Variants in DHH observed in about 807,000 individuals in gnomAD.
DHH encodes the protein desert hedgehog signaling molecule.
A neutral mutation model predicts 27.6 loss-of-function variants in DHH; 16 were observed. That is an observed-to-expected ratio of 0.58 (90% CI 0.39 to 0.88). The LOEUF is 0.88. DHH is among the 40% of genes least tolerant of loss of function. The probability of loss-of-function intolerance (pLI) is 0.00; values close to 1 mark genes in which losing one functional copy is unlikely to be tolerated. For synonymous variants in DHH, 289 were observed against 263.4 expected, an observed-to-expected ratio of 1.10 and a Z score of -0.94; for missense variants, 436 against 563.1, an observed-to-expected ratio of 0.77 and a Z score of 2.28.
At position 49,091,381 on chromosome 12, in the gene DHH, C is replaced by T; in HGVS notation, c.312G>A (p.Lys104=). 6.2e-7 allele frequency: 1 copy of T among 1,614,186 alleles called. No individual in the cohort carries two copies. Among genetic ancestry groups the T allele is most frequent in the Non-Finnish European group, 8.5e-7 (1 of 1,180,040 alleles). ...CAATGGCCAAAGCGTTCACCCGCTC[C>T]TTACAACGCTGGCGGGGAATAAAGG... The part of the protein sequence containing the change: ...GADRLMTERC[K]ERVNALAIAV... The change falls in exon 2 of 3, where the codon AAG becomes AAA. Residue 104 remains lysine (K), a synonymous_variant. Transcript: ENST00000649637. The surrounding 1 kb of genome is among the most constrained non-coding windows in gnomAD (Gnocchi z 4.8).
Position 49,087,970 on chromosome 12 carries a change from G to A in DHH, c.*1889C>T, listed in dbSNP as rs141659432. Among the ~76,000 whole-genome samples the A allele has an allele frequency of 0.012, 1,834 of 152,250 alleles. 23 individuals carry two copies. The highest frequency in any genetic ancestry group is 0.017 in the Non-Finnish European group (1,160 of 68,006). The stretch of plus-strand genomic sequence containing the variant: ...CAGTGTGGGTTGAGGGCAGCAGTGG[G>A]TGGAAGGACACCAAAGGTAAACTTG... On this transcript the variant is annotated 3_prime_UTR_variant, in exon 3 of 3. Coordinates refer to ENST00000649637, the MANE Select transcript of DHH (RefSeq NM_021044.4).
Position 49,088,184 on chromosome 12 carries a change from A to C in DHH, c.*1675T>G, listed in dbSNP as rs1939237816. 1.3e-5 allele frequency among the ~76,000 whole-genome samples: 2 copies of C among 152,104 alleles called. No individual in the cohort carries two copies. The highest frequency in any genetic ancestry group is 4.8e-5 in the African/African-American group (2 of 41,416). On this transcript the variant is annotated 3_prime_UTR_variant, in exon 3 of 3. Coordinates refer to ENST00000649637, the MANE Select transcript of DHH (RefSeq NM_021044.4). The stretch of plus-strand genomic sequence containing the variant: ...GCAGCTTCCAGGAACCACAGAGCTA[A>C]ACTAGGCAGGAGTGATGTAAAAGTG...
chr12:49,089,779 G>T lies in DHH; in HGVS notation c.*80C>A. 1 of 1,400,882 alleles carries T rather than the reference G, an allele frequency of 7.1e-7. No individual in the cohort carries two copies. The highest frequency in any genetic ancestry group is 9.3e-7 in the Non-Finnish European group (1 of 1,071,552). 86.8% of individuals were successfully genotyped at this position (1,400,882 alleles called of 1,614,324 possible). On this transcript the variant is annotated 3_prime_UTR_variant, in exon 3 of 3. Transcript: ENST00000649637. ...CTCTCCCTCCCTTCCAGTCGGCATC[G>T]TCTGCTGCCCACAGCCCCATATCTC...
At position 49,089,008 on chromosome 12, in the gene DHH, C is replaced by T. The variant is rs565291797; in HGVS notation, c.*851G>A. 1.1e-4 allele frequency among the ~76,000 whole-genome samples: 17 copies of T among 152,332 alleles called. 1 individual carries two copies. The highest frequency in any genetic ancestry group is 8.3e-4 in the South Asian group (4 of 4,826). The stretch of plus-strand genomic sequence containing the variant: ...CCAGTGGCATATCAGAAAAAACATC[C>T]ACCCCATCCAGGCCCTGCCACCAAG... On this transcript the variant is annotated 3_prime_UTR_variant, in exon 3 of 3. Coordinates refer to ENST00000649637, the MANE Select transcript of DHH (RefSeq NM_021044.4).
Position 49,089,883 on chromosome 12 carries a change from G to A in DHH, c.1167C>T (p.Arg389=). The A allele has an allele frequency of 1.3e-6, 2 of 1,579,022 alleles. No homozygotes were observed. The highest frequency in any genetic ancestry group is 1.7e-6 in the Non-Finnish European group (2 of 1,162,282). The change falls in exon 3 of 3, where the codon CGC becomes CGT. Residue 389 remains arginine, a synonymous_variant. Transcript: ENST00000649637. ...GMHWYSRLLY[R]LAEELLG ...CTCAGCCCAGTAGCTCCTCCGCTAA[G>A]CGGTAGAGGAGCCGAGAGTACCAAT...
Position 49,090,114 on chromosome 12 carries a change from G to A in DHH, c.936C>T (p.Arg312=). The A allele has an allele frequency of 6.6e-7, 1 of 1,511,674 alleles. No individual in the cohort carries two copies. The highest frequency in any genetic ancestry group is 8.8e-7 in the Non-Finnish European group (1 of 1,130,784). 93.6% of individuals were successfully genotyped at this position (1,511,674 alleles called of 1,614,324 possible). A position where few individuals can be genotyped will look rare whatever the true frequency, so the allele number is the denominator to read the frequency against. The change falls in exon 3 of 3, where the codon CGC becomes CGT. Residue 312 remains arginine (R), a synonymous_variant. Transcript: ENST00000649637. The surrounding 1 kb of genome is among the most constrained non-coding windows in gnomAD (Gnocchi z 5.2). The part of the protein sequence containing the change: ...APGGDALRPA[R]VARVAREEAV... Reference sequence around the variant, plus strand: ...CTTCCTCCCGCGCCACACGGGCCACGCGCGCTGGCCGAAGCGCATCCCCGC... The same window carrying A: ...CTTCCTCCCGCGCCACACGGGCCACACGCGCTGGCCGAAGCGCATCCCCGC...
Position 49,087,587 on chromosome 12 carries a change from C to G in DHH, c.*2272G>C, listed in dbSNP as rs1387761531. 6.6e-6 allele frequency among the ~76,000 whole-genome samples: 1 copy of G among 152,124 alleles called. No homozygotes were observed. The highest frequency in any genetic ancestry group is 1.9e-4 in the East Asian group (1 of 5,198). On this transcript the variant is annotated 3_prime_UTR_variant, in exon 3 of 3. Coordinates refer to ENST00000649637, the MANE Select transcript of DHH (RefSeq NM_021044.4). The stretch of plus-strand genomic sequence containing the variant: ...GCATAGCGGCATGCACCTGTAGTCC[C>G]AGCTACTTGAGAGGCTGAGGTGGGA...
Position 49,090,858 on chromosome 12 carries a change from C to T in DHH, c.565+270G>A, listed in dbSNP as rs377398783. 1.3e-5 allele frequency among the ~76,000 whole-genome samples: 2 copies of T among 152,156 alleles called. No individual in the cohort carries two copies. Among genetic ancestry groups the T allele is most frequent in the Non-Finnish European group, 2.9e-5 (2 of 68,032 alleles). On this transcript the variant is annotated intron_variant, in intron 2 of 2. Transcript: ENST00000649637. This position sits in a 1 kb window ranked among gnomAD's most constrained non-coding sequence, Gnocchi z 5.2. ...CCGGGATTACAGGCATACACCACCA[C>T]GCCCAACTAATTTTCGTATTTATAA... is the stretch of plus-strand genomic sequence containing the variant.
Position 49,090,864 on chromosome 12 carries a change from A to G in DHH, c.565+264T>C, listed in dbSNP as rs1939289675. 1.3e-5 allele frequency among the ~76,000 whole-genome samples: 2 copies of G among 151,972 alleles called. No individual in the cohort carries two copies. Among genetic ancestry groups the G allele is most frequent in the African/African-American group, 4.8e-5 (2 of 41,380 alleles). The stretch of plus-strand genomic sequence containing the variant: ...TTACAGGCATACACCACCACGCCCA[A>G]CTAATTTTCGTATTTATAATAGAGA... On this transcript the variant is annotated intron_variant, in intron 2 of 2. Coordinates refer to ENST00000649637, the MANE Select transcript of DHH (RefSeq NM_021044.4). The surrounding 1 kb of genome is among the most constrained non-coding windows in gnomAD (Gnocchi z 5.2).
chr12:49,090,242 A>G lies in DHH; in HGVS notation c.808T>C (p.Trp270Arg). The change falls in exon 3 of 3, where the codon TGG (tryptophan) becomes CGG (arginine). Residue 270 changes from tryptophan (W) to arginine (R), a missense_variant. Physicochemically the swap from Trp to Arg is moderately radical, Grantham distance 101. Transcript: ENST00000649637. The surrounding 1 kb of genome is among the most constrained non-coding windows in gnomAD (Gnocchi z 5.2). ...CCTCGAGCGGCAAACACCAGGTGCC[A>G]GGGCGTGAGCAACAGTTTGCGTGGA... ...WPPRKLLLTP[W>R]HLVFAARGPA... 1 of 1,562,982 alleles carries G rather than the reference A, an allele frequency of 6.4e-7. No homozygotes were observed. Among genetic ancestry groups the G allele is most frequent in the South Asian group, 1.2e-5 (1 of 85,144 alleles).
intron 1 of DHH, among the ~76,000 whole-genome samples, chr12:49,093,536 G>A (rs1939340526): frequency 6.6e-6 from 1 of 152,168 alleles, no homozygotes; most frequent in Non-Finnish European, 1.5e-5. Context: ...GAGCTTGGAA[G>A]ACTTAGGAGC....
Position 49,089,563 on chromosome 12 carries a change from T to C in DHH, c.*296A>G, listed in dbSNP as rs369530846. 4.8e-5 allele frequency: 14 copies of C among 289,348 alleles called. No homozygotes were observed. The South Asian group carries it at 2.1e-3, about 42-fold the overall frequency. 17.9% of individuals were successfully genotyped at this position (289,348 alleles called of 1,614,324 possible). A position where few individuals can be genotyped will look rare whatever the true frequency, so the allele number is the denominator to read the frequency against. On this transcript the variant is annotated 3_prime_UTR_variant, in exon 3 of 3. Coordinates refer to ENST00000649637, the MANE Select transcript of DHH (RefSeq NM_021044.4). ...TTGGCAAGCTGGGCAAGGGAATCAT[T>C]ATATTACAATTTATAAATAAGAAAT...
In DHH at chr12:49,091,176, A is replaced by T; in HGVS notation, c.517T>A (p.Trp173Arg). ...ARLAVEAGFD[W>R]VYYESRNHVH... Reference sequence around the variant, plus strand: ...TGGTTGCGGGACTCGTAGTAGACCCAGTCGAAGCCGGCTTCCACTGCGAGG... The same window carrying T: ...TGGTTGCGGGACTCGTAGTAGACCCTGTCGAAGCCGGCTTCCACTGCGAGG... Residue 173 changes from tryptophan to arginine, a missense_variant, in exon 2 of 3, where the codon TGG (tryptophan) becomes AGG (arginine). Trp to Arg is a moderately radical substitution (Grantham distance 101). Transcript: ENST00000649637. The surrounding 1 kb of genome is among the most constrained non-coding windows in gnomAD (Gnocchi z 4.8). 1 of 1,614,252 alleles carries T rather than the reference A, an allele frequency of 6.2e-7. No individual in the cohort carries two copies. Among genetic ancestry groups the T allele is most frequent in the Non-Finnish European group, 8.5e-7 (1 of 1,180,042 alleles).
chr12:49,094,187 A>G, intron 1 of DHH, 23 bp downstream of exon 1: 1 of 1,612,910 alleles, frequency 6.2e-7, no homozygotes, highest in Non-Finnish European at 8.5e-7. Flanking sequence ...GCCCCGGCGC[A>G]GGTAGGGAGA....
chr12:49,090,084 C>T lies in DHH; in HGVS notation c.966G>A (p.Val322=). 6.5e-7 allele frequency: 1 copy of T among 1,534,478 alleles called. No homozygotes were observed. Among genetic ancestry groups the T allele is most frequent in the Non-Finnish European group, 8.8e-7 (1 of 1,141,168 alleles). The change falls in exon 3 of 3, where the codon GTG becomes GTA. Residue 322 remains valine (V), a synonymous_variant. Coordinates refer to ENST00000649637, the MANE Select transcript of DHH (RefSeq NM_021044.4). The surrounding 1 kb of genome is among the most constrained non-coding windows in gnomAD (Gnocchi z 5.2). ...GCGCGGTGAGCGGCGCGAACACGCC[C>T]ACGGCTTCCTCCCGCGCCACACGGG... ...RVARVAREEA[V]GVFAPLTAHG... is the part of the protein sequence containing the mutation.
rs1939288509 is a variant in DHH, at chr12:49,090,797, G to GT, written c.566-314dup. Among the ~76,000 whole-genome samples, 1 of 152,104 alleles carries GT rather than the reference G, an allele frequency of 6.6e-6. No individual in the cohort carries two copies. Among genetic ancestry groups the GT allele is most frequent in the Admixed American group, 6.6e-5 (1 of 15,266 alleles). ...GCTCACTGCAACTTCTACCTCCCGG[G>GT]TTCAAGTGATTCTCGTGCCTCAGCC... On this transcript the variant is annotated intron_variant, in intron 2 of 2. Coordinates refer to ENST00000649637, the MANE Select transcript of DHH (RefSeq NM_021044.4). The surrounding 1 kb of genome is among the most constrained non-coding windows in gnomAD (Gnocchi z 5.2).
Position 49,094,438 on chromosome 12 carries a change from C to T in DHH, c.75G>A (p.Pro25=), listed in dbSNP as rs749269627. The T allele has an allele frequency of 5.0e-6, 8 of 1,602,506 alleles. No individual in the cohort carries two copies. The East Asian group carries it at 1.8e-4, about 36-fold the overall frequency. ...GGCGCCGGCCAACCGGCCCCCGGCCCGGCCCGCAGCTCTGGGCTGGCAGCG... is the reference window on the plus strand; with the variant it reads ...GGCGCCGGCCAACCGGCCCCCGGCCTGGCCCGCAGCTCTGGGCTGGCAGCG... ...LLALPAQSCG[P]GRGPVGRRRY... The change falls in exon 1 of 3, where the codon CCG becomes CCA. Residue 25 remains proline, a synonymous_variant. Transcript: ENST00000649637.
In DHH at chr12:49,089,546, C is replaced by T. The variant is rs1939257614; in HGVS notation, c.*313G>A. 1 of 240,640 alleles carries T rather than the reference C, an allele frequency of 4.2e-6. No homozygotes were observed. The highest frequency in any genetic ancestry group is 5.6e-5 in the Admixed American group (1 of 17,866). The allele number at this position is 240,640 out of a possible 1,614,324, so 14.9% of individuals were successfully genotyped here. A position where few individuals can be genotyped will look rare whatever the true frequency, so the allele number is the denominator to read the frequency against. ...TGCCCCAGCCCCTCACCTTGGCAAG[C>T]TGGGCAAGGGAATCATTATATTACA... is the stretch of plus-strand genomic sequence containing the variant. On this transcript the variant is annotated 3_prime_UTR_variant, in exon 3 of 3. Coordinates refer to ENST00000649637, the MANE Select transcript of DHH (RefSeq NM_021044.4).
rs555267228 is a variant in DHH at position 49,091,212 on chromosome 12, A to G, written c.481T>C (p.Leu161=). The G allele has an allele frequency of 1.2e-6, 2 of 1,614,212 alleles. No individual in the cohort carries two copies. The highest frequency in any genetic ancestry group is 1.7e-5 in the Admixed American group (1 of 60,034). The part of the protein sequence containing the change: ...TSDRDRNKYG[L]LARLAVEAGF... ...GCTTCCACTGCGAGGCGCGCCAGCA[A>G]CCCATACTTGTTGCGGTCGCGGTCA... Residue 161 remains leucine (L), a synonymous_variant, in exon 2 of 3, where the codon TTG becomes CTG. Transcript: ENST00000649637. The surrounding 1 kb of genome is among the most constrained non-coding windows in gnomAD (Gnocchi z 4.8).
Sources: gnomAD v4.1 joint callset for allele counts (sites outside exome capture counted in the v4.1 genomes callset) on GRCh38, gnomAD v4.1.1 for gene constraint, Gnocchi (gnomAD v3.1) non-coding constraint, MANE v1.5 for transcripts, NCBI Gene and HGNC (gene_info 2026-07-23, HGNC 2026-07-21) for gene names.